The following BBS1 variants were observed in gnomAD, a reference collection of about 807,000 sequenced individuals.
BBS1 encodes BBSome complex member BBS1.
In BBS1, 60 loss-of-function variants were observed where a neutral mutation model predicts 73.9. That is an observed-to-expected ratio of 0.81 (90% CI 0.66 to 1.01). The LOEUF (loss-of-function observed/expected upper bound fraction) is 1.01, where lower values mean the gene tolerates loss of function less well. Among genes scored for constraint, BBS1 ranks in the 50% least tolerant of loss-of-function variants. The pLI is 0.00. For missense variants in BBS1, 718 were observed against 770.3 expected (o/e 0.93, Z 0.80); for synonymous variants, 283 against 317.4 (o/e 0.89, Z 1.15).
At chr11:66,522,732 AC>A in intron 9 of BBS1, 10 of 209,794 alleles carry the variant, frequency 4.8e-5, no homozygotes, top group East Asian at 2.5e-4. Flanking sequence ...ATATTGATGA[AC>A]AAGATAAATA....
rs1209299063 is a variant in BBS1 at position 66,531,703 on chromosome 11, GGA to G, written c.1660_1661del (p.Leu555GlnfsTer2). The G allele has an allele frequency of 6.2e-7, 1 of 1,614,116 alleles. No homozygotes were observed. The highest frequency in any genetic ancestry group is 8.5e-7 in the Non-Finnish European group (1 of 1,179,988). On this transcript the variant is annotated frameshift_variant, in exon 16 of 17. Coordinates refer to ENST00000318312, the MANE Select transcript of BBS1 (RefSeq NM_024649.5). LOFTEE classifies it high-confidence loss of function. Reference sequence around the variant, plus strand: ...TCAACTACCCCCTGGAGACCTTTGTGGAGAGTCTCAGTAACAAGGGCATCTCA... The same window carrying G: ...TCAACTACCCCCTGGAGACCTTTGTGGAGTCTCAGTAACAAGGGCATCTCA... ...GLNYPLETFV[E>X]SLSNKGISDI...
rs116129485 is a variant in BBS1 at position 66,528,836 on chromosome 11, C to T, written c.1340-983C>T. Among the ~76,000 whole-genome samples, 300 of 151,942 alleles carry T rather than the reference C, an allele frequency of 2.0e-3. 2 individuals are homozygous for T. The highest frequency in any genetic ancestry group is 6.9e-3 in the African/African-American group (286 of 41,434). On this transcript the variant is annotated intron_variant, in intron 13 of 16. Coordinates refer to ENST00000318312, the MANE Select transcript of BBS1 (RefSeq NM_024649.5). ...ACAAAAAATTAGCCAGGCTTGGCGG[C>T]GCGTGCCTGTAATTCCAGCTACTCG... is the stretch of plus-strand genomic sequence containing the variant.
intron 6 of BBS1, 28 bp from the exon 7 acceptor site, chr11:66,515,833 T>C: frequency 1.2e-6 from 2 of 1,614,160 alleles, no homozygotes; most frequent in Non-Finnish European, 1.7e-6. Flanking sequence ...GGCCGGGGCC[T>C]GCAGATGCCA....
At chr11:66,514,877 G>A (rs576767798) in intron 4 of BBS1, among the ~76,000 whole-genome samples, 199 bp downstream of exon 4, 25 of 151,784 alleles carry the variant, frequency 1.6e-4, no homozygotes, top group African/African-American at 5.1e-4. Context: ...GTGCAATGAC[G>A]TGATCTTGGT....
At chr11:66,514,787 AT>A in intron 4 of BBS1, 109 bp downstream of exon 4, 2 of 1,307,930 alleles carry the variant, frequency 1.5e-6, no homozygotes, top group Admixed American at 3.5e-5. Context: ...GAGGTCAGCT[AT>A]AGTCCATCTC....
In BBS1 at chr11:66,530,973, T is replaced by C. The variant is rs121917778; in HGVS notation, c.1553T>C (p.Leu518Pro). The C allele has an allele frequency of 5.6e-6, 9 of 1,614,100 alleles. No homozygotes were observed. Among genetic ancestry groups the C allele is most frequent in the Non-Finnish European group, 7.6e-6 (9 of 1,180,040 alleles). The change falls in exon 15 of 17, where the codon CTG becomes CCG. Residue 518 changes from leucine to proline, a missense_variant. Transcript: ENST00000318312. ...TSTTRPVLGLLVCFLYNEALY... is the reference protein window; with the variant it reads ...TSTTRPVLGLPVCFLYNEALY... Reference sequence around the variant, plus strand: ...ACAACCCGTCCTGTCCTGGGGCTGCTGGTCTGCTTCCTGTACAACGAGGCG... The same window carrying C: ...ACAACCCGTCCTGTCCTGGGGCTGCCGGTCTGCTTCCTGTACAACGAGGCG...
chr11:66,511,379 GT>G, intron 3 of BBS1, 140 bp downstream of exon 3: 1 of 1,019,496 alleles, frequency 9.8e-7, no homozygotes, highest in Non-Finnish European at 1.4e-6. Flanking sequence ...GTTAAATTTT[GT>G]TTTTATATGG....
chr11:66,522,494 C>T (rs920145780), intron 9 of BBS1, among the ~76,000 whole-genome samples: 8 of 151,792 alleles, frequency 5.3e-5, no homozygotes, highest in Admixed American at 1.3e-4. Flanking sequence ...ACTACAGGTG[C>T]GTGCCACCAC....
chr11:66,522,027 C>T (rs141582785), intron 9 of BBS1, among the ~76,000 whole-genome samples: 3,003 of 150,420 alleles, frequency 0.02, 87 homozygotes, highest in African/African-American at 0.069. Context: ...ACCATCCTGG[C>T]TAACACAGTG....
intron 3 of BBS1, among the ~76,000 whole-genome samples, chr11:66,512,052 G>T (rs919770422): frequency 1.4e-5 from 2 of 144,770 alleles, no homozygotes; most frequent in African/African-American, 5.1e-5. Flanking sequence ...GTATATATAT[G>T]TGTATATATA....
At chr11:66,519,935 A>G in intron 8 of BBS1, 187 bp downstream of exon 8, 1 of 611,094 alleles carries the variant, frequency 1.6e-6, no homozygotes, top group Non-Finnish European at 2.8e-6. Context: ...GTTGAGGCAT[A>G]GGTCTCTCTA....
chr11:66,526,046 G>A, intron 11 of BBS1, 77 bp from the exon 12 acceptor site: 1 of 1,304,328 alleles, frequency 7.7e-7, no homozygotes, highest in East Asian at 2.3e-5. Context: ...TTATATCTGG[G>A]GCCTCCCCTA....
rs537038558 is a variant in BBS1, at chr11:66,515,470, G to C, written c.433-70G>C. The C allele has an allele frequency of 1.2e-5, 18 of 1,536,402 alleles. No homozygotes were observed. The African/African-American group carries it at 2.5e-4, about 21-fold the overall frequency. ...GAGGTACCCCTAGAAGTGTGGAGCTGTCTGGGGGTGTAGACATTGGGTTTC... is the reference window on the plus strand; with the variant it reads ...GAGGTACCCCTAGAAGTGTGGAGCTCTCTGGGGGTGTAGACATTGGGTTTC... On this transcript the variant is annotated intron_variant, in intron 4 of 16. Coordinates refer to ENST00000318312, the MANE Select transcript of BBS1 (RefSeq NM_024649.5).
chr11:66,525,119 G>C (rs1322777397), intron 11 of BBS1, among the ~76,000 whole-genome samples: 1 of 151,536 alleles, frequency 6.6e-6, no homozygotes, highest in Non-Finnish European at 1.5e-5. Flanking sequence ...AGAATGGCGT[G>C]AACCTGGGAG....
chr11:66,511,557 A>G (rs1224109981), intron 3 of BBS1, among the ~76,000 whole-genome samples: 1 of 152,080 alleles, frequency 6.6e-6, no homozygotes, highest in African/African-American at 2.4e-5. Context: ...GAGGGAAAGT[A>G]AAAAGGAGGG....
chr11:66,521,094 G>GTCC, intron 8 of BBS1, 176 bp from the exon 9 acceptor site: 1 of 667,428 alleles, frequency 1.5e-6, no homozygotes, highest in Non-Finnish European at 2.7e-6. Flanking sequence ...CAGACTAAAA[G>GTCC]GCTTTTGCTA....
chr11:66,521,592 A>G (rs922518826), intron 9 of BBS1: 17 of 586,016 alleles, frequency 2.9e-5, no homozygotes, highest in Non-Finnish European at 4.0e-5. Flanking sequence ...CTGGGTGGCT[A>G]TAGTACAGGA....
Position 66,530,888 on chromosome 11 carries a change from C to T in BBS1, c.1474-6C>T. 1 of 1,614,190 alleles carries T rather than the reference C, an allele frequency of 6.2e-7. No individual in the cohort carries two copies. Among genetic ancestry groups the T allele is most frequent in the South Asian group, 1.1e-5 (1 of 91,078 alleles). ...TAAGGGCTTTCTCCACCCACCCTCT[C>T]CATAGGTTCAGGGCCTTGGCCCCAC... On this transcript the variant is annotated splice_region_variant and splice_polypyrimidine_tract_variant and intron_variant, in intron 14 of 16. Coordinates refer to ENST00000318312, the MANE Select transcript of BBS1 (RefSeq NM_024649.5).
rs187412400 is a variant in BBS1 at position 66,521,723 on chromosome 11, T to C, written c.830+347T>C. Reference sequence around the variant, plus strand: ...GAGTTCAAGACCAGCCTGGCCAACATGGTGAAACCCCGTCTCTACTAAAAA... The same window carrying C: ...GAGTTCAAGACCAGCCTGGCCAACACGGTGAAACCCCGTCTCTACTAAAAA... On this transcript the variant is annotated intron_variant, in intron 9 of 16. Coordinates refer to ENST00000318312, the MANE Select transcript of BBS1 (RefSeq NM_024649.5). The C allele has an allele frequency of 1.0e-3, 348 of 333,868 alleles. 2 individuals carry two copies. Among genetic ancestry groups the C allele is most frequent in the African/African-American group, 7.0e-3 (326 of 46,708 alleles). The allele number at this position is 333,868 out of a possible 1,614,324, so 20.7% of individuals were successfully genotyped here. A position where few individuals can be genotyped will look rare whatever the true frequency, so the allele number is the denominator to read the frequency against.
Sources: allele counts gnomAD v4.1 joint callset (sites outside exome capture counted in the v4.1 genomes callset), GRCh38; gene constraint gnomAD v4.1.1; transcripts MANE v1.5; gene names NCBI Gene and HGNC (gene_info 2026-07-23, HGNC 2026-07-21).